The following ARHGEF10 variants were observed in gnomAD, a reference collection of about 807,000 sequenced individuals.
ARHGEF10 encodes the protein Rho guanine nucleotide exchange factor 10, also known as Rho guanine nucleotide exchange factor (GEF) 10.
In ARHGEF10, 140 loss-of-function variants were observed where a neutral mutation model predicts 147.4. That is an observed-to-expected ratio of 0.95 (90% CI 0.83 to 1.09). The LOEUF (loss-of-function observed/expected upper bound fraction) is 1.09. Among genes scored for constraint, ARHGEF10 ranks in the 50% least tolerant of loss-of-function variants. ARHGEF10 has a pLI of 0.00. For missense variants in ARHGEF10, 2,222 were observed against 1,752.7 expected (o/e 1.27, Z -4.78); for synonymous variants, 902 against 695.8 (o/e 1.30, Z -4.67).
Position 1,909,338 on chromosome 8 carries a change from C to A in ARHGEF10, c.2011C>A (p.Leu671Met), listed in dbSNP as rs768386104. ...TGTGATGAGCAGCCAGAGGTACTTG[C>A]TGAAGTGGAGCGTTCCACTGGGACA... ...SRVMSSQRYL[L>M]KWSVPLGHVD... The change falls in exon 18 of 29, where the codon CTG (leucine) becomes ATG (methionine). Residue 671 changes from leucine (L) to methionine (M), a missense_variant. Leu to Met is a conservative substitution (Grantham distance 15, BLOSUM62 2). Transcript: ENST00000349830. 2 of 1,614,216 alleles carry A rather than the reference C, an allele frequency of 1.2e-6. No homozygotes were observed. The highest frequency in any genetic ancestry group is 1.7e-6 in the Non-Finnish European group (2 of 1,180,040).
rs150345819 is a variant in ARHGEF10 at position 1,852,995 on chromosome 8, G to T, written c.38-4965G>T. Among the ~76,000 whole-genome samples the T allele has an allele frequency of 8.7e-3, 1,325 of 152,332 alleles. 19 individuals carry two copies. Among genetic ancestry groups the T allele is most frequent in the East Asian group, 0.061 (314 of 5,172 alleles). On this transcript the variant is annotated intron_variant, in intron 2 of 28. Transcript: ENST00000349830. ...TGTGGCCAGAGGGCAGCCTGTCCTGGGCAGGCCAGAGGAGAGGGGCAGGGG... is the reference window on the plus strand; with the variant it reads ...TGTGGCCAGAGGGCAGCCTGTCCTGTGCAGGCCAGAGGAGAGGGGCAGGGG...
intron 1 of ARHGEF10, among the ~76,000 whole-genome samples, chr8:1,833,262 GCAGAGGCAGAGA>G (rs1803357898): frequency 1.5e-5 from 2 of 130,650 alleles, no homozygotes; most frequent in Admixed American, 1.6e-4. Context: ...CGAGACAGAG[GCAGAGGCAGAGA>G]CAGAGGTAGA....
At chr8:1,894,171 CAAA>C (rs536453124) in intron 12 of ARHGEF10, among the ~76,000 whole-genome samples, 4 of 135,500 alleles carry the variant, frequency 3.0e-5, no homozygotes, top group Non-Finnish European at 3.2e-5. Flanking sequence ...GAGACTGTCT[CAAA>C]AAAAAAAAAA....
chr8:1,950,481 A>G (rs1814941701), intron 27 of ARHGEF10, among the ~76,000 whole-genome samples: 2 of 152,124 alleles, frequency 1.3e-5, no homozygotes, highest in South Asian at 2.1e-4. Context: ...CCAGTTAAAA[A>G]CATTCATATC....
intron 22 of ARHGEF10, 125 bp downstream of exon 22, chr8:1,925,529 C>T (rs1467240163): frequency 5.2e-6 from 7 of 1,341,402 alleles, no homozygotes; most frequent in Non-Finnish European, 7.1e-6. Flanking sequence ...CCACAGTGAC[C>T]GCTTCTCTAG....
intron 17 of ARHGEF10, among the ~76,000 whole-genome samples, chr8:1,908,227 A>ATTTTTTTTTTTTTTTTTT (rs11288174): frequency 9.1e-6 from 1 of 110,078 alleles, no homozygotes; most frequent in Non-Finnish European, 1.8e-5. Flanking sequence ...CCACACTTTG[A>ATTTTTTTTTTTTTTTTTT]TTTTTTTTTT....
In ARHGEF10 at chr8:1,889,101, G is replaced by A. The variant is rs1809126122; in HGVS notation, c.1182+3394G>A. 4.4e-5 allele frequency among the ~76,000 whole-genome samples: 4 copies of A among 90,450 alleles called. 1 individual carries two copies. Among genetic ancestry groups the A allele is most frequent in the South Asian group, 9.3e-4 (2 of 2,150 alleles). 59.3% of individuals were successfully genotyped at this position (90,450 alleles called of 152,430 possible). ...TGAGGGGTCCGTGAGGAGACACTGA[G>A]TGGGGTGTGAGGGGTCTGTGAGGAG... On this transcript the variant is annotated intron_variant, in intron 11 of 28. Coordinates refer to ENST00000349830, the MANE Select transcript of ARHGEF10 (RefSeq NM_014629.4).
chr8:1,866,060 C>T (rs1365973777), intron 5 of ARHGEF10, among the ~76,000 whole-genome samples: 1 of 152,064 alleles, frequency 6.6e-6, no homozygotes, highest in Non-Finnish European at 1.5e-5. Context: ...TGTGACCACC[C>T]GCTGGGGGCA....
At chr8:1,885,544 GTGT>G in intron 10 of ARHGEF10, 54 bp from the exon 11 acceptor site, 1 of 1,216,796 alleles carries the variant, frequency 8.2e-7, no homozygotes, top group Non-Finnish European at 1.2e-6. Context: ...CTGTACTGTA[GTGT>G]TGTGAATATA....
intron 18 of ARHGEF10, among the ~76,000 whole-genome samples, chr8:1,917,945 ATT>A (rs796327045): frequency 2.8e-5 from 4 of 141,528 alleles, no homozygotes; most frequent in Non-Finnish European, 3.1e-5. Context: ...TGCCTGGCTA[ATT>A]TTTTTTTTTT....
At chr8:1,908,451 C>A (rs944190174) in intron 17 of ARHGEF10, among the ~76,000 whole-genome samples, 1 of 152,112 alleles carries the variant, frequency 6.6e-6, no homozygotes, top group African/African-American at 2.4e-5. Context: ...CCAGGATGGT[C>A]TCAATCTCCT....
chr8:1,888,186 G>A (rs1286647297), intron 11 of ARHGEF10, among the ~76,000 whole-genome samples: 6 of 73,148 alleles, frequency 8.2e-5, no homozygotes, highest in African/African-American at 6.8e-4. Flanking sequence ...AGTGGGGTGA[G>A]GGTTTGCGAG....
upstream of ARHGEF10, among the ~76,000 whole-genome samples, chr8:1,823,349 C>T (rs1476390673): frequency 3.9e-5 from 5 of 128,368 alleles, no homozygotes; most frequent in Admixed American, 1.7e-4. Flanking sequence ...GGGCCAGCTG[C>T]GGACGGAGGG....
At chr8:1,943,312 C>T (rs1814260721) in intron 26 of ARHGEF10, among the ~76,000 whole-genome samples, 1 of 152,144 alleles carries the variant, frequency 6.6e-6, no homozygotes, top group African/African-American at 2.4e-5. Context: ...GGCCCCATTC[C>T]AGGAGGAGGG....
intron 11 of ARHGEF10, among the ~76,000 whole-genome samples, chr8:1,889,578 G>T (rs1311740947): frequency 1.8e-5 from 2 of 112,292 alleles, no homozygotes; most frequent in Non-Finnish European, 3.7e-5. Context: ...ACTGAGTGGG[G>T]TGAGGGGTTT....
intron 10 of ARHGEF10, among the ~76,000 whole-genome samples, chr8:1,883,259 G>A (rs1346400996): frequency 1.3e-5 from 2 of 152,138 alleles, no homozygotes; most frequent in South Asian, 2.1e-4. Flanking sequence ...GTGTGGAGGT[G>A]TCGTGCACGG....
chr8:1,844,066 C>G (rs1468263139), intron 2 of ARHGEF10, among the ~76,000 whole-genome samples: 4 of 152,242 alleles, frequency 2.6e-5, no homozygotes, highest in Admixed American at 2.6e-4. Context: ...GGCCTGGAGA[C>G]CTGGCCTAGG....
At chr8:1,884,403 A>C (rs1808482932) in intron 10 of ARHGEF10, among the ~76,000 whole-genome samples, 1 of 151,832 alleles carries the variant, frequency 6.6e-6, no homozygotes, top group Admixed American at 6.6e-5. Flanking sequence ...CTCAAGAAAA[A>C]AAAAAAAAAG....
intron 3 of ARHGEF10, 117 bp from the exon 4 acceptor site, chr8:1,859,780 G>T (rs1028868185): frequency 2.3e-6 from 3 of 1,294,168 alleles, no homozygotes; most frequent in Non-Finnish European, 3.3e-6. Context: ...ACGTCTAGGG[G>T]TCCTGGCATG....
Sources: gnomAD v4.1 joint callset for allele counts (sites outside exome capture counted in the v4.1 genomes callset) on GRCh38, gnomAD v4.1.1 for gene constraint, MANE v1.5 for transcripts, NCBI Gene and HGNC (gene_info 2026-07-23, HGNC 2026-07-21) for gene names.